TYR: variants seen among roughly 807,000 people sequenced by gnomAD.
TYR encodes the protein LB24-AB.
A neutral mutation model predicts 51.5 loss-of-function variants in TYR; 58 were observed. The observed-to-expected ratio is 1.13, with a 90% CI of 0.91 to 1.40. TYR has a LOEUF of 1.40. Among genes scored for constraint, TYR ranks in the 40% most tolerant of loss-of-function variants. TYR has a pLI of 0.00. For synonymous variants in TYR, 263 were observed against 235.2 expected (o/e 1.12, Z -1.08); for missense variants, 732 against 647.4 (o/e 1.13, Z -1.42).
chr11:89,290,648 G>A (rs550208118), intron 4 of TYR, among the ~76,000 whole-genome samples: 2 of 151,956 alleles, frequency 1.3e-5, no homozygotes, highest in Non-Finnish European at 2.9e-5. Flanking sequence ...CCAACAACCT[G>A]TCTGTATTCT....
At chr11:89,292,666 A>C (rs1483557798) in intron 4 of TYR, among the ~76,000 whole-genome samples, 2 of 152,136 alleles carry the variant, frequency 1.3e-5, no homozygotes, top group Non-Finnish European at 2.9e-5. Context: ...CTACCAAGTT[A>C]TTGTTTTCCC....
intron 2 of TYR, among the ~76,000 whole-genome samples, chr11:89,196,903 G>T (rs558676346): frequency 1.3e-5 from 2 of 152,094 alleles, no homozygotes; most frequent in African/African-American, 4.8e-5. Flanking sequence ...GGTATACTAT[G>T]GAAGTACAAA....
chr11:89,261,278 C>T (rs1462057055), intron 3 of TYR, among the ~76,000 whole-genome samples: 1 of 152,032 alleles, frequency 6.6e-6, no homozygotes, highest in Non-Finnish European at 1.5e-5. Context: ...TAAAAGGACA[C>T]AAATTGGCTA....
intron 2 of TYR, among the ~76,000 whole-genome samples, chr11:89,192,669 G>C (rs1943461577): frequency 6.6e-6 from 1 of 152,008 alleles, no homozygotes; most frequent in South Asian, 2.1e-4. Flanking sequence ...GATGAATTCT[G>C]TTTTCCAGCT....
intron 3 of TYR, among the ~76,000 whole-genome samples, chr11:89,283,496 T>G (rs1310600139): frequency 2.0e-5 from 3 of 151,830 alleles, no homozygotes; most frequent in Non-Finnish European, 2.9e-5. Context: ...TAAGTAACGA[T>G]AGCTTATTAT....
intron 3 of TYR, among the ~76,000 whole-genome samples, chr11:89,260,770 G>A (rs1944447852): frequency 6.6e-6 from 1 of 152,136 alleles, no homozygotes; most frequent in Non-Finnish European, 1.5e-5. Flanking sequence ...CAGATAAAAT[G>A]TGGGACAATA....
chr11:89,200,125 GA>G (rs2135260675), intron 2 of TYR: 1 of 152,312 alleles, frequency 6.6e-6, no homozygotes, highest in African/African-American at 2.4e-5. Flanking sequence ...GCCCAGGCTG[GA>G]ATGCAACGGT....
intron 3 of TYR, among the ~76,000 whole-genome samples, chr11:89,272,108 C>A (rs1048889098): frequency 6.6e-6 from 1 of 151,898 alleles, no homozygotes; most frequent in African/African-American, 2.4e-5. Context: ...TGGCCACCTC[C>A]CATGAAAATT....
chr11:89,268,036 T>C (rs561211932), intron 3 of TYR, among the ~76,000 whole-genome samples: 1 of 152,122 alleles, frequency 6.6e-6, no homozygotes, highest in South Asian at 2.1e-4. Flanking sequence ...ACTTATCATA[T>C]TTAGACTGCA....
intron 3 of TYR, among the ~76,000 whole-genome samples, chr11:89,243,496 C>G (rs1251280748): frequency 3.3e-5 from 5 of 152,128 alleles, no homozygotes; most frequent in Non-Finnish European, 4.4e-5. Flanking sequence ...CCTTTTATGT[C>G]AAGCTTAAGA....
At chr11:89,292,671 T>G (rs1944863572) in intron 4 of TYR, among the ~76,000 whole-genome samples, 1 of 152,144 alleles carries the variant, frequency 6.6e-6, no homozygotes, top group Non-Finnish European at 1.5e-5. Flanking sequence ...AAGTTATTGT[T>G]TTCCCTGGTT....
At chr11:89,241,633 A>C (rs1348430632) in intron 3 of TYR, among the ~76,000 whole-genome samples, 1 of 151,490 alleles carries the variant, frequency 6.6e-6, no homozygotes, top group Non-Finnish European at 1.5e-5. Context: ...TCAAAAGCTT[A>C]AGTTATTATC....
At position 89,282,401 on chromosome 11, in the gene TYR, C is replaced by T. The variant is rs556160679; in HGVS notation, c.1185-2372C>T. Among the ~76,000 whole-genome samples the T allele has an allele frequency of 2.3e-4, 35 of 151,676 alleles. No homozygotes were observed. The South Asian group carries it at 2.5e-3, about 11-fold the overall frequency. ...ACCAATTGAAAACACATGGTTAGTA[C>T]GAATAAAATGTCTACTAAAAATTAT... On this transcript the variant is annotated intron_variant, in intron 3 of 4. Transcript: ENST00000263321.
Position 89,178,086 on chromosome 11 carries a change from C to A in TYR, c.133C>A (p.Pro45Thr), listed in dbSNP as rs13312739. ...CCPPWSGDRS[P>T]CGQLSGRGSC... is the part of the protein sequence containing the mutation. Reference sequence around the variant, plus strand: ...TCCACCGTGGAGCGGGGACAGGAGTCCCTGTGGCCAGCTTTCAGGCAGAGG... The same window carrying A: ...TCCACCGTGGAGCGGGGACAGGAGTACCTGTGGCCAGCTTTCAGGCAGAGG... Residue 45 changes from proline to threonine, a missense_variant, in exon 1 of 5, where the codon CCC (proline) becomes ACC (threonine). Physicochemically the swap from Pro to Thr is conservative, Grantham distance 38. Coordinates refer to ENST00000263321, the MANE Select transcript of TYR (RefSeq NM_000372.5). 6 of 1,614,160 alleles carry A rather than the reference C, an allele frequency of 3.7e-6. No individual in the cohort carries two copies. The East Asian group carries it at 1.3e-4, about 36-fold the overall frequency.
chr11:89,181,601 T>C (rs1943300104), intron 1 of TYR, among the ~76,000 whole-genome samples: 1 of 152,194 alleles, frequency 6.6e-6, no homozygotes, highest in South Asian at 2.1e-4. Context: ...GCCTTCTTTT[T>C]TTATTGGTTT....
In TYR at chr11:89,295,201, G is replaced by A. The variant is rs748052034; in HGVS notation, c.1425G>A (p.Trp475Ter). ...KSYLEQASRI[W>*]SWLLGAAMVG... ...ATTTGGAACAAGCGAGTCGGATCTG[G>A]TCATGGCTCCTTGGGGCGGCGATGG... Residue 475 changes from tryptophan to a stop codon, truncating the protein, a stop_gained, in exon 5 of 5, where the codon TGG becomes TGA. Coordinates refer to ENST00000263321, the MANE Select transcript of TYR (RefSeq NM_000372.5). LOFTEE classifies it high-confidence loss of function. 1.9e-6 allele frequency: 3 copies of A among 1,613,992 alleles called. No homozygotes were observed. Among genetic ancestry groups the A allele is most frequent in the South Asian group, 1.1e-5 (1 of 91,074 alleles).
At chr11:89,282,093 G>A (rs1009149429) in intron 3 of TYR, among the ~76,000 whole-genome samples, 5 of 151,816 alleles carry the variant, frequency 3.3e-5, no homozygotes, top group African/African-American at 1.2e-4. Flanking sequence ...TTGATGAGGT[G>A]GGTGAGCACA....
At position 89,292,604 on chromosome 11, in the gene TYR, AC is replaced by A. The variant is rs567786378; in HGVS notation, c.1367-2537del. 2.8e-3 allele frequency among the ~76,000 whole-genome samples: 421 copies of A among 152,198 alleles called. 3 individuals are homozygous for A. Among genetic ancestry groups the A allele is most frequent in the African/African-American group, 9.7e-3 (403 of 41,540 alleles). ...AATGTAAAACGATTGACCACTATTC[AC>A]CTTTATTTACAATAAAGGAATCAAT... On this transcript the variant is annotated intron_variant, in intron 4 of 4. Coordinates refer to ENST00000263321, the MANE Select transcript of TYR (RefSeq NM_000372.5).
chr11:89,203,050 T>C (rs1943621115), intron 2 of TYR, among the ~76,000 whole-genome samples: 1 of 152,204 alleles, frequency 6.6e-6, no homozygotes, highest in Non-Finnish European at 1.5e-5. Flanking sequence ...TTGGCTATAT[T>C]AAAGTAAGAA....
Sources: allele counts gnomAD v4.1 joint callset (sites outside exome capture counted in the v4.1 genomes callset), GRCh38; gene constraint gnomAD v4.1.1; transcripts MANE v1.5; gene names NCBI Gene and HGNC (gene_info 2026-07-23, HGNC 2026-07-21).